PVT1: variants seen among roughly 807,000 people sequenced by gnomAD.
PVT1 encodes CXCR4/PVT1 fusion.
intron 3 of PVT1, among the ~76,000 whole-genome samples, chr8:127,985,405 G>A (rs987491322): frequency 6.0e-5 from 9 of 151,224 alleles, no homozygotes; most frequent in Non-Finnish European, 1.2e-4. Flanking sequence ...GGGATTACAG[G>A]TGTGAGCCAC....
chr8:128,048,070 G>A (rs1386939595), intron 4 of PVT1, among the ~76,000 whole-genome samples: 2 of 152,146 alleles, frequency 1.3e-5, no homozygotes, highest in African/African-American at 4.8e-5. Flanking sequence ...ACCAACCCCA[G>A]ATCAGTTACG....
At position 128,043,803 on chromosome 8, in the gene PVT1, C is replaced by CACACACACAT. The variant is rs1554606714; in HGVS notation, n.913-26356_913-26355insCACACACATA. Among the ~76,000 whole-genome samples the CACACACACAT allele has an allele frequency of 1.7e-3, 248 of 142,486 alleles. 1 individual carries two copies. Among genetic ancestry groups the CACACACACAT allele is most frequent in the African/African-American group, 6.2e-3 (235 of 37,774 alleles). 93.5% of individuals were successfully genotyped at this position (142,486 alleles called of 152,430 possible). A position where few individuals can be genotyped will look rare whatever the true frequency, so the allele number is the denominator to read the frequency against. On this transcript the variant is annotated intron_variant and non_coding_transcript_variant, in intron 4 of 10. Coordinates refer to ENST00000651587, the Ensembl canonical transcript of PVT1. ...ACACACACACACACACACACACACA[C>CACACACACAT]ATACACAAGGAGGCCAAACATCTTG...
At chr8:128,087,747 C>CTTTTTTTTTTTTTTTTTTTTT (rs71568675) in intron 5 of PVT1, among the ~76,000 whole-genome samples, 17 of 76,584 alleles carry the variant, frequency 2.2e-4, no homozygotes, top group African/African-American at 8.3e-4. Context: ...TGATGTGCTA[C>CTTTTTTTTTTTTTTTTTTTTT]TTTTTTTTTT....
intron 2 of PVT1, among the ~76,000 whole-genome samples, chr8:127,826,967 G>A (rs1371247957): frequency 6.7e-6 from 1 of 149,268 alleles, no homozygotes; most frequent in Non-Finnish European, 1.5e-5. Flanking sequence ...TGGCCACAGG[G>A]CTTTCTTTTT....
chr8:127,925,177 T>G (rs1816114362), intron 3 of PVT1, among the ~76,000 whole-genome samples: 1 of 152,216 alleles, frequency 6.6e-6, no homozygotes, highest in Non-Finnish European at 1.5e-5. Flanking sequence ...TTTTCAAGGT[T>G]TATCTGTGTT....
chr8:127,919,401 GA>G (rs1184608659), intron 3 of PVT1, among the ~76,000 whole-genome samples: 9 of 152,212 alleles, frequency 5.9e-5, no homozygotes, highest in African/African-American at 1.9e-4. Context: ...CTCTACTGTG[GA>G]AAGTTATTGA....
intron 4 of PVT1, among the ~76,000 whole-genome samples, chr8:128,039,190 G>T (rs1407086280): frequency 1.3e-5 from 2 of 152,176 alleles, no homozygotes; most frequent in Non-Finnish European, 2.9e-5. Context: ...TAGCTGCTTG[G>T]CAGGGGAGTT....
intron 4 of PVT1, among the ~76,000 whole-genome samples, chr8:128,057,824 C>A (rs1813779803): frequency 6.6e-6 from 1 of 152,188 alleles, no homozygotes; most frequent in Non-Finnish European, 1.5e-5. Context: ...CTTGGCTTAT[C>A]CTGACAGCTG....
chr8:127,961,621 C>T (rs1563651190), intron 3 of PVT1, among the ~76,000 whole-genome samples: 1 of 152,226 alleles, frequency 6.6e-6, no homozygotes, highest in Non-Finnish European at 1.5e-5. Flanking sequence ...CTTGAAGACT[C>T]TGAGGCTGGA....
chr8:127,893,386 T>C (rs1369244527), intron 3 of PVT1, among the ~76,000 whole-genome samples: 1 of 152,148 alleles, frequency 6.6e-6, no homozygotes, highest in East Asian at 1.9e-4. Flanking sequence ...AAGTGATTCT[T>C]GTGCGTCAGC....
chr8:128,067,454 G>A (rs917412622), intron 4 of PVT1, among the ~76,000 whole-genome samples: 1 of 152,130 alleles, frequency 6.6e-6, no homozygotes, highest in Non-Finnish European at 1.5e-5. Flanking sequence ...TTCCTGAAAT[G>A]GTTAGACTTC....
intron 3 of PVT1, chr8:127,939,412 G>A (rs1367157945): frequency 6.6e-6 from 1 of 152,376 alleles, no homozygotes; most frequent in Admixed American, 6.5e-5. Context: ...GCCAGGTGCG[G>A]GGTCTCTCAA....
intron 3 of PVT1, among the ~76,000 whole-genome samples, chr8:127,905,533 C>T (rs1409925176): frequency 6.6e-6 from 1 of 152,180 alleles, no homozygotes; most frequent in Non-Finnish European, 1.5e-5. Flanking sequence ...TTGGTCATTT[C>T]TGAGTTGAGC....
At chr8:128,043,752 T>TTACTTAAG (rs200143762) in intron 4 of PVT1, among the ~76,000 whole-genome samples, 4,162 of 148,626 alleles carry the variant, frequency 0.028, 179 homozygotes, top group African/African-American at 0.091. Flanking sequence ...CTATATAGTA[T>TTACTTAAG]TATTTTCCCA....
At chr8:127,918,851 G>A (rs1816022687) in intron 3 of PVT1, among the ~76,000 whole-genome samples, 1 of 152,130 alleles carries the variant, frequency 6.6e-6, no homozygotes, top group Non-Finnish European at 1.5e-5. Flanking sequence ...ACCCCCACTC[G>A]TAGCAACCTG....
chr8:127,959,565 C>T (rs945895601), intron 3 of PVT1, among the ~76,000 whole-genome samples: 3 of 127,102 alleles, frequency 2.4e-5, no homozygotes, highest in South Asian at 2.6e-4. Context: ...AGCCTGGCAA[C>T]AGCGCGAGAC....
intron 4 of PVT1, among the ~76,000 whole-genome samples, chr8:128,056,324 C>T (rs764379390): frequency 7.2e-5 from 11 of 152,238 alleles, no homozygotes; most frequent in East Asian, 3.9e-4. Flanking sequence ...TGTATACATG[C>T]GTTCATGTAT....
chr8:127,879,664 A>G (rs1815443368), intron 2 of PVT1, among the ~76,000 whole-genome samples: 1 of 152,208 alleles, frequency 6.6e-6, no homozygotes, highest in Non-Finnish European at 1.5e-5. Flanking sequence ...GCTGTGCACC[A>G]GTGTTCTCGT....
At chr8:127,798,220 C>G (rs1814419633) in intron 2 of PVT1, among the ~76,000 whole-genome samples, 2 of 151,862 alleles carry the variant, frequency 1.3e-5, no homozygotes, top group African/African-American at 4.8e-5. Flanking sequence ...AGGAGAATTG[C>G]TTGAACCCGG....
Sources: allele counts gnomAD v4.1 joint callset (sites outside exome capture counted in the v4.1 genomes callset), GRCh38; gene constraint gnomAD v4.1.1; transcripts MANE v1.5; gene names NCBI Gene and HGNC (gene_info 2026-07-23, HGNC 2026-07-21).